PGAP1: variants seen among roughly 807,000 people sequenced by gnomAD.
PGAP1 encodes the protein post-GPI attachment to proteins inositol deacylase 1.
A neutral mutation model predicts 127.0 loss-of-function variants in PGAP1; 76 were observed. That is an observed-to-expected ratio of 0.60 (90% confidence interval 0.50 to 0.72). The LOEUF (loss-of-function observed/expected upper bound fraction) is 0.72, where lower values mean the gene tolerates loss of function less well. Among genes scored for constraint, PGAP1 ranks in the 30% least tolerant of loss-of-function variants. The pLI, the probability that PGAP1 is intolerant of heterozygous loss-of-function variation, is 0.00. For synonymous variants in PGAP1, 362 were observed against 366.5 expected (o/e 0.99, Z 0.14); for missense variants, 982 against 1,071.3 (o/e 0.92, Z 1.16).
chr2:196,863,442 C>T (rs1364195625), intron 20 of PGAP1, among the ~76,000 whole-genome samples: 1 of 152,084 alleles, frequency 6.6e-6, no homozygotes, highest in Non-Finnish European at 1.5e-5. Flanking sequence ...AACTGAAGTA[C>T]ATTATGCTAA....
chr2:196,870,927 G>C lies in PGAP1; in HGVS notation c.1767+14C>G, dbSNP rs1701390380. Reference sequence around the variant, plus strand: ...AAAGCAGTAAATAATCAACCAGCCAGGAATCTCTCTTACCTGTCCAAGTAT... The same window carrying C: ...AAAGCAGTAAATAATCAACCAGCCACGAATCTCTCTTACCTGTCCAAGTAT... On this transcript the variant is annotated intron_variant, in intron 19 of 26. Transcript: ENST00000354764. 6.2e-7 allele frequency: 1 copy of C among 1,600,304 alleles called. No homozygotes were observed. Among genetic ancestry groups the C allele is most frequent in the Non-Finnish European group, 8.6e-7 (1 of 1,168,874 alleles).
At position 196,902,699 on chromosome 2, in the gene PGAP1, T is replaced by C. The variant is rs139159899; in HGVS notation, c.693A>G (p.Arg231=). ...CAGAAAGTGTGGTTAAATTTATGTG[T>C]CGAGCATTTAGAATCCAATAGTTGT... The part of the protein sequence containing the change: ...TVNNYWILNA[R]HINLTTLSVA... Residue 231 remains arginine, a synonymous_variant, in exon 5 of 27, where the codon CGA becomes CGG. Transcript: ENST00000354764. 3.1e-6 allele frequency: 5 copies of C among 1,612,422 alleles called. No individual in the cohort carries two copies. Among genetic ancestry groups the C allele is most frequent in the Non-Finnish European group, 4.2e-6 (5 of 1,178,594 alleles).
chr2:196,853,147 C>T (rs1461110872), intron 20 of PGAP1, among the ~76,000 whole-genome samples: 1 of 152,148 alleles, frequency 6.6e-6, no homozygotes, highest in South Asian at 2.1e-4. Flanking sequence ...CTACACTGTC[C>T]AGAGTTTCTG....
intron 12 of PGAP1, among the ~76,000 whole-genome samples, chr2:196,885,198 T>TA: frequency 6.6e-6 from 1 of 152,220 alleles, no homozygotes; most frequent in South Asian, 2.1e-4. Flanking sequence ...AGAGGACTGT[T>TA]AACTTATAGT....
At chr2:196,871,136 C>G (rs535011118) in intron 18 of PGAP1, among the ~76,000 whole-genome samples, 157 bp from the exon 19 acceptor site, 60 of 152,258 alleles carry the variant, frequency 3.9e-4, no homozygotes, top group African/African-American at 1.4e-3. Flanking sequence ...ATCTTTTGAA[C>G]CACCATGCAA....
At chr2:196,865,262 G>A (rs998857543) in intron 19 of PGAP1, among the ~76,000 whole-genome samples, 182 bp from the exon 20 acceptor site, 2 of 152,248 alleles carry the variant, frequency 1.3e-5, no homozygotes, top group African/African-American at 4.8e-5. Context: ...AACTCAAAAT[G>A]TATCTGAATT....
At chr2:196,896,533 G>T (rs371873972) in intron 7 of PGAP1, among the ~76,000 whole-genome samples, 6 of 152,018 alleles carry the variant, frequency 3.9e-5, no homozygotes, top group African/African-American at 1.4e-4. Context: ...TTTGTAAGAA[G>T]TATTTCCCCT....
chr2:196,921,549 A>G (rs1043433027), intron 1 of PGAP1, among the ~76,000 whole-genome samples: 3 of 152,144 alleles, frequency 2.0e-5, no homozygotes, highest in Non-Finnish European at 4.4e-5. Context: ...TTTCCTCCCA[A>G]TTTAGTACAC....
chr2:196,879,940 T>C (rs1402124607), intron 13 of PGAP1, 136 bp downstream of exon 13: 1 of 616,908 alleles, frequency 1.6e-6, no homozygotes, highest in Non-Finnish European at 2.8e-6. Flanking sequence ...ATCCTAATAA[T>C]TTAACAGTCT....
At chr2:196,906,534 C>T (rs1437316570) in intron 4 of PGAP1, among the ~76,000 whole-genome samples, 15 of 33,722 alleles carry the variant, frequency 4.4e-4, no homozygotes, top group African/African-American at 8.8e-4. Flanking sequence ...AACTCTAAAA[C>T]GCAGAGTGCC....
In PGAP1 at chr2:196,850,735, G is replaced by A. The variant is rs570272723; in HGVS notation, c.1862-2698C>T. 2.3e-4 allele frequency among the ~76,000 whole-genome samples: 35 copies of A among 150,054 alleles called. No homozygotes were observed. The South Asian group carries it at 6.6e-3, about 28-fold the overall frequency. ...AGGGAGGAAGGGAGGGAAAGAGGAA[G>A]ATGAAAAAAAGAGATGGGAGGGGAA... is the stretch of plus-strand genomic sequence containing the variant. On this transcript the variant is annotated intron_variant, in intron 20 of 26. Transcript: ENST00000354764.
intron 19 of PGAP1, 30 bp downstream of exon 19, chr2:196,870,909 TAA>T: frequency 6.3e-7 from 1 of 1,577,872 alleles, no homozygotes; most frequent in Non-Finnish European, 8.7e-7. Context: ...CATAAAGCAG[TAA>T]ATAATCAACC....
At chr2:196,925,794 A>G (rs1317061708) in intron 1 of PGAP1, among the ~76,000 whole-genome samples, 2 of 152,190 alleles carry the variant, frequency 1.3e-5, no homozygotes, top group Non-Finnish European at 2.9e-5. Context: ...CACACAGGCA[A>G]GCCCACACAC....
intron 3 of PGAP1, among the ~76,000 whole-genome samples, chr2:196,913,483 C>G (rs1331167057): frequency 6.6e-6 from 1 of 152,210 alleles, no homozygotes; most frequent in African/African-American, 2.4e-5. Flanking sequence ...ATTACCTTAT[C>G]ATGTTGTTAT....
In PGAP1 at chr2:196,885,412, G is replaced by A; in HGVS notation, c.1272+12C>T. ...TTCAACTGAATATTAAAATTCTGAAGCCATAATTTACCTTAATTGTTGGCA... is the reference window on the plus strand; with the variant it reads ...TTCAACTGAATATTAAAATTCTGAAACCATAATTTACCTTAATTGTTGGCA... On this transcript the variant is annotated intron_variant, in intron 12 of 26. Coordinates refer to ENST00000354764, the MANE Select transcript of PGAP1 (RefSeq NM_024989.4). 2 of 1,574,390 alleles carry A rather than the reference G, an allele frequency of 1.3e-6. No individual in the cohort carries two copies. The highest frequency in any genetic ancestry group is 1.2e-5 in the South Asian group (1 of 84,986).
chr2:196,844,071 G>A lies in PGAP1; in HGVS notation c.2342C>T (p.Pro781Leu), dbSNP rs1342962460. 3 of 1,545,628 alleles carry A rather than the reference G, an allele frequency of 1.9e-6. No individual in the cohort carries two copies. The highest frequency in any genetic ancestry group is 2.6e-6 in the Non-Finnish European group (3 of 1,136,912). Residue 781 changes from proline (P) to leucine (L), a missense_variant, in exon 25 of 27, where the codon CCC becomes CTC. Pro to Leu is a moderately conservative substitution (Grantham distance 98, BLOSUM62 -3). Transcript: ENST00000354764. ...CTTTTCACTTCTTCTAGAGTGTTTG[G>A]GATTCTATAAAACAATAAAGTAGAA... ...TTFKNSQPVN[P>L]KHSRRSEKKS...
chr2:196,886,024 T>C (rs563282188), intron 10 of PGAP1, 144 bp from the exon 11 acceptor site: 56 of 439,784 alleles, frequency 1.3e-4, no homozygotes, highest in Non-Finnish European at 1.8e-4. Flanking sequence ...AGCTTATTGT[T>C]GAGAAACATA....
In PGAP1 at chr2:196,847,168, A is replaced by T; in HGVS notation, c.1985T>A (p.Leu662Ter). ...GACGGCATCTAATTCTGGTAACAAT[A>T]ATACATCCCACAATTCTTTAAACCA... ...YKWFKELWDV[L>*]LLPELDAVIL... Residue 662 changes from leucine (L) to a stop codon, truncating the protein, a stop_gained, in exon 22 of 27, where the codon TTA becomes TAA. Coordinates refer to ENST00000354764, the MANE Select transcript of PGAP1 (RefSeq NM_024989.4). LOFTEE classifies it high-confidence loss of function. 6.2e-7 allele frequency: 1 copy of T among 1,612,918 alleles called. No individual in the cohort carries two copies. The highest frequency in any genetic ancestry group is 8.5e-7 in the Non-Finnish European group (1 of 1,179,304).
chr2:196,902,317 C>T (rs763049346), intron 5 of PGAP1, among the ~76,000 whole-genome samples: 8 of 152,280 alleles, frequency 5.3e-5, no homozygotes, highest in Non-Finnish European at 1.2e-4. Flanking sequence ...GAATTATAGG[C>T]ATAAGCCATG....
Sources: gnomAD v4.1 joint callset for allele counts (sites outside exome capture counted in the v4.1 genomes callset) on GRCh38, gnomAD v4.1.1 for gene constraint, MANE v1.5 for transcripts, NCBI Gene and HGNC (gene_info 2026-07-23, HGNC 2026-07-21) for gene names.